Variants in ZFYVE26 observed in about 807,000 individuals in gnomAD.
The protein encoded by ZFYVE26 is zinc finger FYVE domain-containing protein 26.
A neutral mutation model predicts 276.5 loss-of-function variants in ZFYVE26; 181 were observed. The ratio of observed to expected loss-of-function variants is 0.65; its 90% CI spans 0.58 to 0.74. The LOEUF (loss-of-function observed/expected upper bound fraction) is 0.74. Among genes scored for constraint, ZFYVE26 ranks in the 30% least tolerant of loss-of-function variants. The pLI is 0.00. For missense variants in ZFYVE26, 2,821 were observed against 3,097.9 expected (o/e 0.91, Z 2.12); for synonymous variants, 1,129 against 1,203.1 (o/e 0.94, Z 1.27).
intron 9 of ZFYVE26, among the ~76,000 whole-genome samples, chr14:67,802,747 A>G (rs1566895301): frequency 6.6e-6 from 1 of 152,134 alleles, no homozygotes. Flanking sequence ...TCGTATTCCT[A>G]CAGGAAATCT....
Position 67,763,451 on chromosome 14 carries a change from C to T in ZFYVE26, c.6012-632G>A, listed in dbSNP as rs529224780. On this transcript the variant is annotated intron_variant, in intron 32 of 41. Transcript: ENST00000347230. ...ATAGGATCATAATATCATATTTTTACTATACTTTTTCTATATTTAGATACA... is the reference window on the plus strand; with the variant it reads ...ATAGGATCATAATATCATATTTTTATTATACTTTTTCTATATTTAGATACA... Among the ~76,000 whole-genome samples the T allele has an allele frequency of 3.9e-5, 6 of 152,304 alleles. No individual in the cohort carries two copies. The South Asian group carries it at 1.0e-3, about 26-fold the overall frequency.
In ZFYVE26 at chr14:67,766,282, C is replaced by T. The variant is rs1566871038; in HGVS notation, c.5956G>A (p.Ala1986Thr). ...CCGGCTTTGACGAACATCATCTTGG[C>T]GCTGAACAGCAGCTGCTTCATGATG... ...TDIMKQLLFS[A>T]KMMFVKAGQS... The change falls in exon 32 of 42, where the codon GCC (alanine) becomes ACC (threonine). Residue 1986 changes from alanine (A) to threonine (T), a missense_variant. Physicochemically the swap from Ala to Thr is moderately conservative, Grantham distance 58. Transcript: ENST00000347230. 15 of 1,613,988 alleles carry T rather than the reference C, an allele frequency of 9.3e-6. No individual in the cohort carries two copies. The highest frequency in any genetic ancestry group is 1.1e-5 in the South Asian group (1 of 91,070).
intron 40 of ZFYVE26, among the ~76,000 whole-genome samples, chr14:67,751,835 C>G (rs1343780125): frequency 6.6e-6 from 1 of 151,630 alleles, no homozygotes; most frequent in African/African-American, 2.4e-5. Context: ...ATACTCCAGC[C>G]TGGGCGACAG....
intron 19 of ZFYVE26, 126 bp from the exon 20 acceptor site, chr14:67,784,562 T>C: frequency 1.2e-6 from 1 of 835,812 alleles, no homozygotes; most frequent in South Asian, 1.4e-5. Context: ...CTTCTGTTAA[T>C]TCATTCTAGG....
chr14:67,785,711 G>T, intron 18 of ZFYVE26, 147 bp downstream of exon 18: 1 of 1,066,948 alleles, frequency 9.4e-7, no homozygotes, highest in Non-Finnish European at 1.4e-6. Context: ...TAAGTTACGA[G>T]ACATTGAGAC....
At chr14:67,735,484 C>T in intron 13 of ZFYVE26, 6 of 572,654 alleles carry the variant, frequency 1.0e-5, no homozygotes, top group South Asian at 4.4e-5. Flanking sequence ...GCCGAGACAC[C>T]GTTCGACCTT....
chr14:67,760,908 T>G, intron 35 of ZFYVE26: 1 of 315,556 alleles, frequency 3.2e-6, no homozygotes, highest in East Asian at 6.2e-5. Context: ...GGTTCAACTA[T>G]AGGATTGGCA....
At position 67,766,563 on chromosome 14, in the gene ZFYVE26, G is replaced by A. The variant is rs561524255; in HGVS notation, c.5791-116C>T. ...CCTTTCAAAAGGCTGAAAGACCCTG[G>A]AAGAAGGAACCAGATTCTACAAGAA... On this transcript the variant is annotated intron_variant, in intron 31 of 41. Transcript: ENST00000347230. 6.3e-6 allele frequency: 6 copies of A among 952,740 alleles called. No individual in the cohort carries two copies. In the East Asian group the frequency reaches 1.3e-4, roughly 21 times the overall value. The allele number at this position is 952,740 out of a possible 1,614,324, so 59.0% of individuals were successfully genotyped here.
At position 67,772,281 on chromosome 14, in the gene ZFYVE26, T is replaced by C. The variant is rs915406959; in HGVS notation, c.5321-71A>G. 2.6e-6 allele frequency: 4 copies of C among 1,517,622 alleles called. No homozygotes were observed. The Admixed American group carries it at 5.6e-5, about 21-fold the overall frequency. 94.0% of individuals were successfully genotyped at this position (1,517,622 alleles called of 1,614,324 possible). On this transcript the variant is annotated intron_variant, in intron 27 of 41. Transcript: ENST00000347230. ...CAGCTTATAGATGAAGAGGGAATGATAGAATTTTACCATTTTACAAACCGT... is the reference window on the plus strand; with the variant it reads ...CAGCTTATAGATGAAGAGGGAATGACAGAATTTTACCATTTTACAAACCGT...
rs1446875072 is a variant in ZFYVE26 at position 67,807,982 on chromosome 14, G to C, written c.364-62C>G. On this transcript the variant is annotated intron_variant, in intron 4 of 41. Coordinates refer to ENST00000347230, the MANE Select transcript of ZFYVE26 (RefSeq NM_015346.4). ...ATGCCTGGAATGGTATCACTTGTGT[G>C]CCTTCATGCTTTCCTCTTTTTCAGT... 27 of 1,577,350 alleles carry C rather than the reference G, an allele frequency of 1.7e-5. No individual in the cohort carries two copies. In the Middle Eastern group the frequency reaches 6.7e-4, roughly 39 times the overall value.
At chr14:67,789,183 T>A in intron 16 of ZFYVE26, 152 bp downstream of exon 16, 1 of 1,043,098 alleles carries the variant, frequency 9.6e-7, no homozygotes, top group Non-Finnish European at 1.5e-6. Context: ...ACAGACTGTA[T>A]TTATGCCATC....
chr14:67,757,775 C>T (rs955030712), intron 35 of ZFYVE26, among the ~76,000 whole-genome samples: 14 of 151,814 alleles, frequency 9.2e-5, no homozygotes, highest in Middle Eastern at 3.2e-3. Flanking sequence ...AGTGCAGTGG[C>T]GCAATCTCAG....
chr14:67,807,173 G>C (rs1419145879), intron 5 of ZFYVE26, among the ~76,000 whole-genome samples: 2 of 152,118 alleles, frequency 1.3e-5, no homozygotes, highest in African/African-American at 4.8e-5. Context: ...TGAACTCCTA[G>C]CCTCACATGA....
intron 9 of ZFYVE26, 45 bp from the exon 10 acceptor site, chr14:67,802,327 T>G: frequency 2.5e-6 from 4 of 1,587,268 alleles, no homozygotes; most frequent in Non-Finnish European, 3.5e-6. Flanking sequence ...GTTAATTAAT[T>G]CAGGATGCAA....
In ZFYVE26 at chr14:67,751,105, AAC is replaced by A; in HGVS notation, c.7372-11_7372-10del. ...ATCAGGCCCTCCAGCTCCTGTGCAG[AAC>A]AGAAACAGCACTGTGAGAGGGAGAA... is the stretch of plus-strand genomic sequence containing the variant. On this transcript the variant is annotated splice_polypyrimidine_tract_variant and intron_variant, in intron 40 of 41. Coordinates refer to ENST00000347230, the MANE Select transcript of ZFYVE26 (RefSeq NM_015346.4). The A allele has an allele frequency of 1.2e-6, 2 of 1,614,150 alleles. No individual in the cohort carries two copies. The highest frequency in any genetic ancestry group is 1.7e-6 in the Non-Finnish European group (2 of 1,180,010).
chr14:67,798,198 G>C lies in ZFYVE26; in HGVS notation c.2064C>G (p.Phe688Leu). 4 of 1,614,182 alleles carry C rather than the reference G, an allele frequency of 2.5e-6. No individual in the cohort carries two copies. Among genetic ancestry groups the C allele is most frequent in the Non-Finnish European group, 2.5e-6 (3 of 1,180,034 alleles). The change falls in exon 11 of 42, where the codon TTC becomes TTG. Residue 688 changes from phenylalanine (F) to leucine (L), a missense_variant. By Grantham distance (22) the Phe-to-Leu change is conservative. Transcript: ENST00000347230. ...FLADEFAIGA[F>L]LRLLQEQLDE... ...CCAGTTGCTCTTGGAGAAGCCTGAG[G>C]AAGGCCCCTATTGCAAATTCATCAG...
chr14:67,729,079 G>A lies in ZFYVE26; in HGVS notation n.3288+132C>T. On this transcript the variant is annotated intron_variant and non_coding_transcript_variant, in intron 14 of 14. Transcript: ENST00000394455. ...AGGAGTGGTACCTGCTGAATCCTGG[G>A]GTTATGTTTCCTGAGTCCCTCCTTC... The A allele has an allele frequency of 2.8e-6, 3 of 1,082,952 alleles. No homozygotes were observed. The South Asian group carries it at 3.7e-5, about 14-fold the overall frequency. The allele number at this position is 1,082,952 out of a possible 1,614,324, so 67.1% of individuals were successfully genotyped here.
At chr14:67,756,804 C>T (rs1217805196) in intron 35 of ZFYVE26, among the ~76,000 whole-genome samples, 9 of 152,316 alleles carry the variant, frequency 5.9e-5, no homozygotes, top group African/African-American at 1.7e-4. Context: ...ATGCCTAAAT[C>T]CCCATCTCCA....
intron 36 of ZFYVE26, 64 bp downstream of exon 36, chr14:67,755,884 C>T: frequency 6.3e-7 from 1 of 1,587,998 alleles, no homozygotes; most frequent in Non-Finnish European, 8.6e-7. Context: ...TCATCGTGCA[C>T]TGCCTCTCCT....
Sources: gnomAD v4.1 joint callset for allele counts (sites outside exome capture counted in the v4.1 genomes callset) on GRCh38, gnomAD v4.1.1 for gene constraint, MANE v1.5 for transcripts, NCBI Gene and HGNC (gene_info 2026-07-23, HGNC 2026-07-21) for gene names.